Variants in NXPH1 observed in about 807,000 individuals in gnomAD.
NXPH1 encodes neurexophilin-1.
NXPH1 carries 5 observed loss-of-function variants against 23.7 expected under a neutral mutation model. That is an observed-to-expected ratio of 0.21 (90% CI 0.11 to 0.44). The LOEUF (loss-of-function observed/expected upper bound fraction) is 0.44. NXPH1 is among the 20% of genes least tolerant of loss of function. The pLI, the probability that NXPH1 is intolerant of heterozygous loss-of-function variation, is 0.99. For synonymous variants in NXPH1, 144 were observed against 122.2 expected, an observed-to-expected ratio of 1.18 and a Z score of -1.18; for missense variants, 324 against 321.6, an observed-to-expected ratio of 1.01 and a Z score of -0.06.
chr7:8,567,139 T>C (rs1562405064), intron 2 of NXPH1, among the ~76,000 whole-genome samples: 1 of 151,910 alleles, frequency 6.6e-6, no homozygotes, highest in Non-Finnish European at 1.5e-5. Context: ...ATACTGTTAG[T>C]TTGCTTCAAA....
At chr7:8,470,624 G>A (rs1040562763) in intron 2 of NXPH1, among the ~76,000 whole-genome samples, 6 of 152,134 alleles carry the variant, frequency 3.9e-5, no homozygotes, top group African/African-American at 7.2e-5. Flanking sequence ...ACCTTTACTG[G>A]AAGTTCATGA....
At chr7:8,686,926 T>G (rs1405803952) in intron 2 of NXPH1, among the ~76,000 whole-genome samples, 1 of 152,120 alleles carries the variant, frequency 6.6e-6, no homozygotes, top group Admixed American at 6.6e-5. Flanking sequence ...TTTTGATGCC[T>G]ATAAGAAGTT....
chr7:8,507,598 A>G (rs1817549935), intron 2 of NXPH1, among the ~76,000 whole-genome samples: 1 of 152,148 alleles, frequency 6.6e-6, no homozygotes, highest in Non-Finnish European at 1.5e-5. Flanking sequence ...TTACCGTATT[A>G]CATAGGTGCA....
chr7:8,604,965 A>G (rs1279723723), intron 2 of NXPH1, among the ~76,000 whole-genome samples: 1 of 152,068 alleles, frequency 6.6e-6, no homozygotes, highest in Non-Finnish European at 1.5e-5. Context: ...TTTTTTCTCC[A>G]CCATTTTAGA....
At chr7:8,705,334 G>A (rs1326184277) in intron 2 of NXPH1, among the ~76,000 whole-genome samples, 1 of 152,110 alleles carries the variant, frequency 6.6e-6, no homozygotes, top group Non-Finnish European at 1.5e-5. Context: ...CAACTGTCAG[G>A]TTCCATACAT....
chr7:8,591,169 A>G (rs1819087079), intron 2 of NXPH1, among the ~76,000 whole-genome samples: 1 of 152,076 alleles, frequency 6.6e-6, no homozygotes, highest in Non-Finnish European at 1.5e-5. Context: ...TTGAGTGTTT[A>G]CAGTGGGATA....
intron 2 of NXPH1, among the ~76,000 whole-genome samples, chr7:8,518,118 T>TA (rs922934952): frequency 2.6e-5 from 4 of 152,092 alleles, no homozygotes; most frequent in Non-Finnish European, 4.4e-5. Context: ...ATAGTAAGTG[T>TA]AAAAAAATAT....
At chr7:8,479,679 G>C (rs1379663942) in intron 2 of NXPH1, among the ~76,000 whole-genome samples, 2 of 152,130 alleles carry the variant, frequency 1.3e-5, no homozygotes, top group Non-Finnish European at 2.9e-5. Context: ...AAATGTATAA[G>C]ATGAATCTGG....
intron 2 of NXPH1, among the ~76,000 whole-genome samples, chr7:8,712,952 T>G (rs1779819417): frequency 6.6e-6 from 1 of 152,186 alleles, no homozygotes; most frequent in African/African-American, 2.4e-5. Context: ...ACTTGAATAT[T>G]GATATCTTTC....
chr7:8,435,350 G>C lies in NXPH1; in HGVS notation c.-110-254G>C, dbSNP rs1816172299. On this transcript the variant is annotated intron_variant, in intron 1 of 2. Coordinates refer to ENST00000405863, the MANE Select transcript of NXPH1 (RefSeq NM_152745.3). The surrounding 1 kb of genome is among the most constrained non-coding windows in gnomAD (Gnocchi z 5.9). ...CGGCTCAGTGTGCTCCGCCGCCTGG[G>C]AACTCGCACCCGAGGAGCGCAGGGG... is the stretch of plus-strand genomic sequence containing the variant. 1 of 337,662 alleles carries C rather than the reference G, an allele frequency of 3.0e-6. No homozygotes were observed. The highest frequency in any genetic ancestry group is 3.3e-5 in the South Asian group (1 of 30,386). The allele number at this position is 337,662 out of a possible 1,614,324, so 20.9% of individuals were successfully genotyped here.
At chr7:8,439,519 T>C (rs575216715) in intron 2 of NXPH1, among the ~76,000 whole-genome samples, 1 of 152,350 alleles carries the variant, frequency 6.6e-6, no homozygotes, top group Non-Finnish European at 1.5e-5. Flanking sequence ...TAGTCACCCA[T>C]CCACAGCTCT....
chr7:8,513,236 A>G (rs937160224), intron 2 of NXPH1, among the ~76,000 whole-genome samples: 3 of 152,072 alleles, frequency 2.0e-5, no homozygotes, highest in Admixed American at 1.3e-4. Flanking sequence ...GGAACAGTCC[A>G]GGTGCAGGAA....
At chr7:8,683,205 A>C (rs1410441831) in intron 2 of NXPH1, among the ~76,000 whole-genome samples, 1 of 152,222 alleles carries the variant, frequency 6.6e-6, no homozygotes, top group Non-Finnish European at 1.5e-5. Flanking sequence ...AGGCTCTTTT[A>C]AACAACTGTC....
chr7:8,502,511 G>A (rs1817453178), intron 2 of NXPH1, among the ~76,000 whole-genome samples: 1 of 151,838 alleles, frequency 6.6e-6, no homozygotes, highest in Non-Finnish European at 1.5e-5. Flanking sequence ...CCAGAAGACA[G>A]AAACCACACA....
At chr7:8,491,701 G>C (rs1487831682) in intron 2 of NXPH1, among the ~76,000 whole-genome samples, 1 of 152,054 alleles carries the variant, frequency 6.6e-6, no homozygotes, top group South Asian at 2.1e-4. Context: ...ACCACGGACT[G>C]TTAGATGAAC....
At chr7:8,718,305 G>A (rs145933401) in intron 2 of NXPH1, among the ~76,000 whole-genome samples, 35 of 152,202 alleles carry the variant, frequency 2.3e-4, no homozygotes, top group East Asian at 1.4e-3. Context: ...ACTGAAGACC[G>A]CAAACCAATA....
intron 2 of NXPH1, among the ~76,000 whole-genome samples, chr7:8,675,413 A>T (rs900234952): frequency 3.3e-5 from 5 of 152,164 alleles, no homozygotes; most frequent in African/African-American, 4.8e-5. Flanking sequence ...ACCAGAATTG[A>T]TATACAATGT....
chr7:8,590,401 GGC>G (rs1334004406), intron 2 of NXPH1, among the ~76,000 whole-genome samples: 1 of 152,022 alleles, frequency 6.6e-6, no homozygotes, highest in Non-Finnish European at 1.5e-5. Context: ...ACAGTCGACT[GGC>G]CAAGCTCTTT....
At chr7:8,503,013 G>A (rs1817461357) in intron 2 of NXPH1, among the ~76,000 whole-genome samples, 2 of 152,024 alleles carry the variant, frequency 1.3e-5, no homozygotes, top group African/African-American at 4.8e-5. Context: ...GTTGAGTGCA[G>A]TGTCTTGGAA....
Sources: gnomAD v4.1 joint callset for allele counts (sites outside exome capture counted in the v4.1 genomes callset) on GRCh38, gnomAD v4.1.1 for gene constraint, Gnocchi (gnomAD v3.1) non-coding constraint, MANE v1.5 for transcripts, NCBI Gene and HGNC (gene_info 2026-07-23, HGNC 2026-07-21) for gene names.